MOV10L1: variants seen among roughly 807,000 people sequenced by gnomAD.
MOV10L1 encodes RNA helicase Mov10l1.
A neutral mutation model predicts 143.8 loss-of-function variants in MOV10L1; 110 were observed. The observed-to-expected ratio is 0.76, with a 90% CI of 0.66 to 0.90. The LOEUF (loss-of-function observed/expected upper bound fraction) is 0.90, where lower values mean the gene tolerates loss of function less well. Ranked by LOEUF, MOV10L1 falls within the 40% of genes least tolerant of loss-of-function variation. MOV10L1 has a pLI of 0.00. For synonymous variants in MOV10L1, 593 were observed against 581.1 expected (o/e 1.02, Z -0.29); for missense variants, 1,406 against 1,526.8 (o/e 0.92, Z 1.32).
rs532136723 is a variant in MOV10L1, at chr22:50,138,950, C to T, written c.2071-3131C>T. Among the ~76,000 whole-genome samples the T allele has an allele frequency of 1.2e-4, 19 of 152,172 alleles. No individual in the cohort carries two copies. The South Asian group carries it at 3.7e-3, about 30-fold the overall frequency. On this transcript the variant is annotated intron_variant, in intron 15 of 26. Coordinates refer to ENST00000262794, the MANE Select transcript of MOV10L1 (RefSeq NM_018995.3). ...AACTCCTGACCTCATGATCCGCCCA[C>T]CTCAGCCTCCCATAGTGCTGGGATT...
intron 10 of MOV10L1, among the ~76,000 whole-genome samples, chr22:50,124,720 C>A (rs532613665): frequency 2.0e-5 from 3 of 152,284 alleles, no homozygotes; most frequent in African/African-American, 7.2e-5. Context: ...CTGAGTGGGT[C>A]CCCTGACCCT....
intron 1 of MOV10L1, chr22:50,090,491 G>C: frequency 6.2e-7 from 1 of 1,610,206 alleles, no homozygotes; most frequent in Middle Eastern, 1.7e-4. Flanking sequence ...GTTCCTCCCT[G>C]TCCGCAGCGT....
At position 50,153,161 on chromosome 22, in the gene MOV10L1, G is replaced by T. The variant is rs767955673; in HGVS notation, c.3009G>T (p.Leu1003Phe). 6.2e-6 allele frequency: 10 copies of T among 1,613,966 alleles called. No homozygotes were observed. The highest frequency in any genetic ancestry group is 7.6e-6 in the Non-Finnish European group (9 of 1,179,946). Residue 1003 changes from leucine (L) to phenylalanine (F), a missense_variant, in exon 22 of 27, where the codon TTG (leucine) becomes TTT (phenylalanine). Physicochemically the swap from Leu to Phe is conservative, Grantham distance 22. Coordinates refer to ENST00000262794, the MANE Select transcript of MOV10L1 (RefSeq NM_018995.3). ...CGGACCCCACAGTGGTGACCTCCTT[G>T]CTGGGCTGGGAGAAGTTGCCTAAGA... is the stretch of plus-strand genomic sequence containing the variant. ...VCADPTVVTS[L>F]LGWEKLPKKG...
intron 13 of MOV10L1, among the ~76,000 whole-genome samples, chr22:50,129,666 A>G (rs2062616427): frequency 6.6e-6 from 1 of 152,194 alleles, no homozygotes; most frequent in South Asian, 2.1e-4. Flanking sequence ...CCATGTGTAT[A>G]ACAGCCTGCT....
rs1322784356 is a variant in MOV10L1 at position 50,128,846 on chromosome 22, T to A, written c.1910+339T>A. ...GCGTGAGTCACCACGCCCGGCCATC[T>A]TTTTTTTTTTTTAATAGAGATGGGG... On this transcript the variant is annotated intron_variant, in intron 13 of 26. Transcript: ENST00000262794. Among the ~76,000 whole-genome samples the A allele has an allele frequency of 3.5e-5, 5 of 141,234 alleles. No homozygotes were observed. The East Asian group carries it at 6.3e-4, about 18-fold the overall frequency. The allele number at this position is 141,234 out of a possible 152,430, so 92.7% of individuals were successfully genotyped here. A position where few individuals can be genotyped will look rare whatever the true frequency, so the allele number is the denominator to read the frequency against.
At chr22:50,120,721 G>C in intron 10 of MOV10L1, 105 bp downstream of exon 10, 1 of 810,520 alleles carries the variant, frequency 1.2e-6, no homozygotes, top group Non-Finnish European at 2.0e-6. Context: ...CATCTGGCTT[G>C]TTTTCTTCAC....
At chr22:50,134,865 A>G (rs1041056819) in intron 15 of MOV10L1, among the ~76,000 whole-genome samples, 2 of 152,248 alleles carry the variant, frequency 1.3e-5, no homozygotes, top group African/African-American at 4.8e-5. Context: ...AATAAAGTGA[A>G]CTAAAATATT....
chr22:50,143,308 T>C (rs1471276895), intron 17 of MOV10L1, 87 bp downstream of exon 17: 1 of 1,416,398 alleles, frequency 7.1e-7, no homozygotes, highest in Admixed American at 1.7e-5. Context: ...GTTTAGATTG[T>C]AGAATCAGAC....
intron 3 of MOV10L1, among the ~76,000 whole-genome samples, chr22:50,101,729 C>G (rs1292425307): frequency 6.6e-6 from 1 of 151,958 alleles, no homozygotes; most frequent in Non-Finnish European, 1.5e-5. Flanking sequence ...TCAGGCTGGT[C>G]TCGAACTCTT....
chr22:50,117,524 A>G (rs1321390849), intron 9 of MOV10L1, among the ~76,000 whole-genome samples, 173 bp downstream of exon 9: 1 of 152,088 alleles, frequency 6.6e-6, no homozygotes, highest in Non-Finnish European at 1.5e-5. Flanking sequence ...GTGCATTTCC[A>G]CGGAGCTCTG....
intron 13 of MOV10L1, among the ~76,000 whole-genome samples, chr22:50,129,907 G>GA (rs1458535085): frequency 1.3e-5 from 2 of 152,072 alleles, no homozygotes; most frequent in African/African-American, 4.8e-5. Flanking sequence ...ATTGTTGTGG[G>GA]AGTCCTTTCT....
At chr22:50,129,338 G>A (rs969136058) in intron 13 of MOV10L1, among the ~76,000 whole-genome samples, 3 of 152,070 alleles carry the variant, frequency 2.0e-5, no homozygotes, top group African/African-American at 7.2e-5. Context: ...CCATTAACTA[G>A]TCATGCACAA....
rs367869357 is a variant in MOV10L1 at position 50,153,002 on chromosome 22, G to A, written c.2893-43G>A. ...CTTTTCGTTCGACAGAAACTGTGCC[G>A]GGTACCACCTTCCCCTTGTGACCCA... On this transcript the variant is annotated intron_variant, in intron 21 of 26. Coordinates refer to ENST00000262794, the MANE Select transcript of MOV10L1 (RefSeq NM_018995.3). The A allele has an allele frequency of 2.6e-5, 41 of 1,548,782 alleles. No homozygotes were observed. The Middle Eastern group carries it at 5.7e-4, about 22-fold the overall frequency.
At chr22:50,103,976 C>T (rs1051397914) in intron 3 of MOV10L1, among the ~76,000 whole-genome samples, 1 of 152,086 alleles carries the variant, frequency 6.6e-6, no homozygotes, top group Non-Finnish European at 1.5e-5. Context: ...ATACAACTCA[C>T]CATAACATGG....
chr22:50,125,818 C>T (rs925735624), intron 11 of MOV10L1, among the ~76,000 whole-genome samples: 1 of 151,802 alleles, frequency 6.6e-6, no homozygotes, highest in Non-Finnish European at 1.5e-5. Flanking sequence ...GGTGGAGTCT[C>T]GCTGTGTCGC....
intron 15 of MOV10L1, among the ~76,000 whole-genome samples, chr22:50,140,380 G>A (rs1359604439): frequency 6.6e-6 from 1 of 152,166 alleles, no homozygotes; most frequent in Admixed American, 6.5e-5. Context: ...CTTTAAATAT[G>A]TGCACCTTAT....
At position 50,159,703 on chromosome 22, in the gene MOV10L1, G is replaced by T. The variant is rs139398528; in HGVS notation, c.3242G>T (p.Arg1081Leu). The T allele has an allele frequency of 1.2e-6, 2 of 1,611,960 alleles. No individual in the cohort carries two copies. Among genetic ancestry groups the T allele is most frequent in the South Asian group, 1.1e-5 (1 of 90,892 alleles). ...GTGGAGAAAATCAGAATTCTTTTGC[G>T]TAATGTTGATCTGATGGATATAAAG... ...KQVEKIRILL[R>L]NVDLMDIKVG... is the part of the protein sequence containing the mutation. Residue 1081 changes from arginine (R) to leucine (L), a missense_variant, in exon 24 of 27, where the codon CGT becomes CTT. Arg to Leu is a moderately radical substitution (Grantham distance 102). This residue lies in a region of MOV10L1 where 1,233 missense variants were observed against 1,351.4 expected (regional missense o/e 0.91). Coordinates refer to ENST00000262794, the MANE Select transcript of MOV10L1 (RefSeq NM_018995.3). The surrounding 1 kb of genome is among the most constrained non-coding windows in gnomAD (Gnocchi z 4.1).
At chr22:50,114,347 C>G in intron 6 of MOV10L1, 34 bp from the exon 7 acceptor site, 1 of 1,602,308 alleles carries the variant, frequency 6.2e-7, no homozygotes, top group South Asian at 1.1e-5. Flanking sequence ...TTTAGAAATC[C>G]TGGCTGTGTT....
intron 2 of MOV10L1, among the ~76,000 whole-genome samples, chr22:50,097,683 G>T (rs1401694536): frequency 6.6e-6 from 1 of 152,142 alleles, no homozygotes; most frequent in Non-Finnish European, 1.5e-5. Flanking sequence ...AAATCAGGAG[G>T]TATGAAACCT....
Sources: gnomAD v4.1 joint callset for allele counts (sites outside exome capture counted in the v4.1 genomes callset) on GRCh38, gnomAD v4.1.1 for gene constraint, gnomAD v4.1.1 regional missense constraint, Gnocchi (gnomAD v3.1) non-coding constraint, MANE v1.5 for transcripts, NCBI Gene and HGNC (gene_info 2026-07-23, HGNC 2026-07-21) for gene names.